The following PABPC4L variants were observed in gnomAD, a reference collection of about 807,000 sequenced individuals.
The protein encoded by PABPC4L is poly(A) binding protein cytoplasmic 4 like.
For synonymous variants in PABPC4L, 169 were observed against 164.1 expected, an observed-to-expected ratio of 1.03 and a Z score of -0.23; for missense variants, 452 against 451.4, an observed-to-expected ratio of 1.00 and a Z score of -0.01.
At chr4:134,106,125 T>C in the PABPC4L span, among the ~76,000 whole-genome samples, 3 of 151,618 alleles carry the variant, frequency 2.0e-5, no homozygotes, top group African/African-American at 4.8e-5. Flanking sequence ...AGCTCTCTAC[T>C]GAAAGCCGTG....
the PABPC4L span, among the ~76,000 whole-genome samples, chr4:134,086,360 C>G: frequency 6.6e-6 from 1 of 152,100 alleles, no homozygotes; most frequent in East Asian, 1.9e-4. Context: ...CATTGTCACT[C>G]CCCTAAAGGC....
the PABPC4L span, among the ~76,000 whole-genome samples, chr4:134,190,156 T>C: frequency 6.6e-6 from 1 of 152,156 alleles, no homozygotes; most frequent in Non-Finnish European, 1.5e-5. Flanking sequence ...CTGGTTACCA[T>C]ACAGGTTTCT....
the PABPC4L span, among the ~76,000 whole-genome samples, chr4:134,139,287 C>A: frequency 2.0e-5 from 3 of 151,940 alleles, no homozygotes; most frequent in Non-Finnish European, 2.9e-5. Flanking sequence ...AATTTCCAAG[C>A]AGCCACTTTC....
At chr4:133,949,500 C>T in the PABPC4L span, among the ~76,000 whole-genome samples, 1 of 152,102 alleles carries the variant, frequency 6.6e-6, no homozygotes, top group South Asian at 2.1e-4. Flanking sequence ...TCTCATAGTT[C>T]CCTTCTAGGT....
At chr4:134,177,498 T>G in the PABPC4L span, among the ~76,000 whole-genome samples, 1 of 152,074 alleles carries the variant, frequency 6.6e-6, no homozygotes, top group Non-Finnish European at 1.5e-5. Flanking sequence ...CTGTGTGAAC[T>G]CAGTTGGAGG....
chr4:134,099,756 C>G, the PABPC4L span, among the ~76,000 whole-genome samples: 2 of 151,466 alleles, frequency 1.3e-5, no homozygotes, highest in Admixed American at 6.6e-5. Flanking sequence ...CACAAAAATG[C>G]TATTTGATCT....
the PABPC4L span, among the ~76,000 whole-genome samples, chr4:134,043,023 T>C: frequency 2.6e-5 from 4 of 152,122 alleles, no homozygotes; most frequent in Non-Finnish European, 5.9e-5. Flanking sequence ...ATAGATTACT[T>C]TGAAATCTCT....
the PABPC4L span, among the ~76,000 whole-genome samples, chr4:134,189,420 A>T: frequency 6.6e-6 from 1 of 152,118 alleles, no homozygotes; most frequent in Non-Finnish European, 1.5e-5. Context: ...ATACACACAT[A>T]TACATGGTAT....
the PABPC4L span, among the ~76,000 whole-genome samples, chr4:134,119,353 A>C: frequency 7.9e-5 from 12 of 151,760 alleles, no homozygotes; most frequent in Admixed American, 7.3e-4. Flanking sequence ...AAAGAGAAGT[A>C]GATATGATCT....
the PABPC4L span, among the ~76,000 whole-genome samples, chr4:134,028,689 G>C: frequency 6.6e-6 from 1 of 152,176 alleles, no homozygotes; most frequent in African/African-American, 2.4e-5. Context: ...AACAATGTTA[G>C]CATGAGAATG....
chr4:133,984,514 T>A, the PABPC4L span, among the ~76,000 whole-genome samples: 4 of 151,910 alleles, frequency 2.6e-5, no homozygotes, highest in African/African-American at 7.2e-5. Context: ...ATATCATTAG[T>A]CATGTAGGTA....
chr4:134,063,183 T>G, the PABPC4L span, among the ~76,000 whole-genome samples: 1 of 152,074 alleles, frequency 6.6e-6, no homozygotes, highest in African/African-American at 2.4e-5. Flanking sequence ...ACTGTTCAAC[T>G]AGAGGCATTT....
chr4:133,972,188 A>T, the PABPC4L span, among the ~76,000 whole-genome samples: 1 of 152,130 alleles, frequency 6.6e-6, no homozygotes, highest in Non-Finnish European at 1.5e-5. Context: ...CATATTCCTG[A>T]ATGTTGTAGT....
At chr4:134,092,857 C>T in the PABPC4L span, among the ~76,000 whole-genome samples, 1 of 152,060 alleles carries the variant, frequency 6.6e-6, no homozygotes, top group African/African-American at 2.4e-5. Context: ...AACAATTCCC[C>T]AGTGAAAATA....
At chr4:133,966,326 G>A in the PABPC4L span, among the ~76,000 whole-genome samples, 1 of 152,154 alleles carries the variant, frequency 6.6e-6, no homozygotes, top group Non-Finnish European at 1.5e-5. Flanking sequence ...TGTTGGTCTG[G>A]ATGCCAGGGA....
At chr4:134,075,827 T>C in the PABPC4L span, among the ~76,000 whole-genome samples, 3 of 152,190 alleles carry the variant, frequency 2.0e-5, no homozygotes, top group African/African-American at 7.2e-5. Context: ...CATGCTGTCC[T>C]CGTGGGTACT....
the PABPC4L span, among the ~76,000 whole-genome samples, chr4:134,164,294 A>AG: frequency 3.3e-5 from 4 of 122,336 alleles, no homozygotes; most frequent in Admixed American, 8.5e-5. Context: ...AAAAAAAAAT[A>AG]GAAGTCCTGG....
chr4:133,954,594 G>T, the PABPC4L span, among the ~76,000 whole-genome samples: 6 of 152,002 alleles, frequency 3.9e-5, no homozygotes, highest in South Asian at 4.2e-4. Context: ...TATCAAAGGG[G>T]TCTCTTTAGT....
At chr4:134,047,811 G>GTTT in the PABPC4L span, among the ~76,000 whole-genome samples, 7 of 147,362 alleles carry the variant, frequency 4.8e-5, no homozygotes, top group Non-Finnish European at 7.5e-5. Flanking sequence ...CTGCACCAGG[G>GTTT]TTTTTTTTTT....
Sources: gnomAD v4.1 joint callset for allele counts (sites outside exome capture counted in the v4.1 genomes callset) on GRCh38, gnomAD v4.1.1 for gene constraint, MANE v1.5 for transcripts, NCBI Gene and HGNC (gene_info 2026-07-23, HGNC 2026-07-21) for gene names.